The following PKIA variants were observed in gnomAD, a reference collection of about 807,000 sequenced individuals.
The protein encoded by PKIA is cAMP-dependent protein kinase inhibitor alpha.
A neutral mutation model predicts 7.6 loss-of-function variants in PKIA; 4 were observed. The ratio of observed to expected loss-of-function variants is 0.52; its 90% CI spans 0.26 to 1.20. The LOEUF is 1.20. Among genes scored for constraint, PKIA ranks in the 50% most tolerant of loss-of-function variants. The probability of loss-of-function intolerance (pLI) is 0.13; values close to 1 mark genes in which losing one functional copy is unlikely to be tolerated. For synonymous variants in PKIA, 21 were observed against 30.7 expected, an observed-to-expected ratio of 0.68 and a Z score of 1.04; for missense variants, 73 against 86.2, an observed-to-expected ratio of 0.85 and a Z score of 0.61.
At chr8:78,548,168 GAACT>G (rs1432090702) in intron 1 of PKIA, among the ~76,000 whole-genome samples, 2 of 152,042 alleles carry the variant, frequency 1.3e-5, no homozygotes, top group Admixed American at 6.6e-5. Flanking sequence ...TAAAAGATGA[GAACT>G]TACTACCAGA....
At chr8:78,598,212 T>C in intron 2 of PKIA, 146 bp from the exon 3 acceptor site, 1 of 393,482 alleles carries the variant, frequency 2.5e-6, no homozygotes, top group Non-Finnish European at 4.5e-6. Flanking sequence ...ACCTTTGATC[T>C]AAATACTTAG....
chr8:78,585,854 C>T (rs1426023461), intron 2 of PKIA, among the ~76,000 whole-genome samples: 1 of 152,044 alleles, frequency 6.6e-6, no homozygotes, highest in South Asian at 2.1e-4. Context: ...AAAAGATCGC[C>T]GAGTTTAGCT....
At chr8:78,599,970 T>C (rs1808315579) in intron 3 of PKIA, among the ~76,000 whole-genome samples, 1 of 149,902 alleles carries the variant, frequency 6.7e-6, no homozygotes, top group African/African-American at 2.4e-5. Flanking sequence ...AATTAAAATG[T>C]AATATTAATA....
intron 2 of PKIA, among the ~76,000 whole-genome samples, chr8:78,586,005 A>G (rs1220714384): frequency 1.3e-5 from 2 of 152,124 alleles, no homozygotes; most frequent in African/African-American, 4.8e-5. Flanking sequence ...TCAACCTAGA[A>G]TCCTCTACCT....
intron 1 of PKIA, chr8:78,535,488 C>G (rs1208984590): frequency 6.6e-6 from 1 of 151,624 alleles, no homozygotes; most frequent in Non-Finnish European, 1.5e-5. Context: ...TTAACAAGTT[C>G]CTAGAAAATG....
intron 2 of PKIA, among the ~76,000 whole-genome samples, chr8:78,580,039 C>A (rs1807769280): frequency 6.6e-6 from 1 of 151,960 alleles, no homozygotes; most frequent in Non-Finnish European, 1.5e-5. Context: ...CCAATAAAGA[C>A]CACTACAGAT....
intron 1 of PKIA, among the ~76,000 whole-genome samples, chr8:78,539,625 A>G (rs1806622455): frequency 6.6e-6 from 1 of 152,048 alleles, no homozygotes; most frequent in African/African-American, 2.4e-5. Context: ...ATTCTTAGCT[A>G]AGAATGCTTT....
At chr8:78,561,197 AT>A (rs1160966373) in intron 1 of PKIA, among the ~76,000 whole-genome samples, 1 of 152,056 alleles carries the variant, frequency 6.6e-6, no homozygotes, top group Non-Finnish European at 1.5e-5. Flanking sequence ...ATAAGAAACT[AT>A]TTTCCTTTCA....
intron 1 of PKIA, among the ~76,000 whole-genome samples, chr8:78,533,014 G>A (rs916716778): frequency 3.3e-5 from 5 of 152,116 alleles, no homozygotes; most frequent in East Asian, 1.9e-4. Flanking sequence ...GAGTATCCTT[G>A]AAGCCTAGAC....
At chr8:78,555,253 T>C (rs1216565263) in intron 1 of PKIA, among the ~76,000 whole-genome samples, 1 of 152,046 alleles carries the variant, frequency 6.6e-6, no homozygotes, top group Non-Finnish European at 1.5e-5. Context: ...ATTCACTCTG[T>C]TATCTAATAC....
At chr8:78,573,586 A>G (rs567356693) in intron 2 of PKIA, among the ~76,000 whole-genome samples, 1 of 152,062 alleles carries the variant, frequency 6.6e-6, no homozygotes, top group Non-Finnish European at 1.5e-5. Context: ...AAGAAAAGAA[A>G]AAAACAGCAG....
At chr8:78,597,144 G>T (rs555987597) in intron 2 of PKIA, among the ~76,000 whole-genome samples, 20 of 152,004 alleles carry the variant, frequency 1.3e-4, no homozygotes, top group African/African-American at 4.6e-4. Context: ...TTTTTGCTTA[G>T]GGTTGCTTTG....
At chr8:78,585,955 A>G (rs1305125216) in intron 2 of PKIA, among the ~76,000 whole-genome samples, 1 of 152,108 alleles carries the variant, frequency 6.6e-6, no homozygotes, top group East Asian at 1.9e-4. Context: ...CTGGCCTCTC[A>G]TTTATCCAAG....
At chr8:78,583,057 C>A (rs1023758467) in intron 2 of PKIA, among the ~76,000 whole-genome samples, 1 of 152,124 alleles carries the variant, frequency 6.6e-6, no homozygotes, top group African/African-American at 2.4e-5. Context: ...CTGGCCTATA[C>A]CTGGTTATAA....
At chr8:78,600,486 T>TC (rs1184532181) in intron 3 of PKIA, among the ~76,000 whole-genome samples, 2 of 152,126 alleles carry the variant, frequency 1.3e-5, no homozygotes, top group East Asian at 3.8e-4. Flanking sequence ...AAGTTCCTCA[T>TC]CTTGTATTTA....
At chr8:78,539,176 G>T (rs1327390692) in intron 1 of PKIA, among the ~76,000 whole-genome samples, 1 of 152,048 alleles carries the variant, frequency 6.6e-6, no homozygotes, top group Non-Finnish European at 1.5e-5. Context: ...ATAATTTTCT[G>T]AACAGTAACA....
chr8:78,559,174 G>A (rs916310822), intron 1 of PKIA, among the ~76,000 whole-genome samples: 8 of 152,110 alleles, frequency 5.3e-5, no homozygotes, highest in Non-Finnish European at 8.8e-5. Context: ...CACCCGCCTC[G>A]GCCTCCCAAA....
intron 1 of PKIA, among the ~76,000 whole-genome samples, chr8:78,524,173 CATTT>C (rs1236120541): frequency 1.6e-5 from 2 of 126,586 alleles, no homozygotes; most frequent in Admixed American, 1.6e-4. Context: ...TATGTATAAA[CATTT>C]ATATTTATAT....
intron 1 of PKIA, among the ~76,000 whole-genome samples, chr8:78,527,332 A>G (rs1440617033): frequency 6.6e-6 from 1 of 152,080 alleles, no homozygotes; most frequent in Non-Finnish European, 1.5e-5. Context: ...ATACAAGTAT[A>G]CACATATATT....
Sources: allele counts gnomAD v4.1 joint callset (sites outside exome capture counted in the v4.1 genomes callset), GRCh38; gene constraint gnomAD v4.1.1; transcripts MANE v1.5; gene names NCBI Gene and HGNC (gene_info 2026-07-23, HGNC 2026-07-21).